SLC24A2: variants seen among roughly 807,000 people sequenced by gnomAD.
The protein encoded by SLC24A2 is solute carrier family 24 member 2, also known as sodium/potassium/calcium exchanger 2.
Under a neutral mutation model 62.0 loss-of-function variants are expected in SLC24A2, and 36 were observed. The observed-to-expected ratio is 0.58, with a 90% CI of 0.44 to 0.77. The LOEUF is 0.77. SLC24A2 is among the 30% of genes least tolerant of loss of function. The pLI is 0.00. For missense variants in SLC24A2, 846 were observed against 817.9 expected, an observed-to-expected ratio of 1.03 and a Z score of -0.42; for synonymous variants, 358 against 294.0, an observed-to-expected ratio of 1.22 and a Z score of -2.23.
the SLC24A2 span, among the ~76,000 whole-genome samples, chr9:19,840,111 TG>T: frequency 5.9e-5 from 9 of 152,156 alleles, no homozygotes; most frequent in Non-Finnish European, 1.5e-5. Context: ...AACAAAATCA[TG>T]GGAACTTAAA....
chr9:20,294,788 C>T, the SLC24A2 span, among the ~76,000 whole-genome samples: 6 of 152,208 alleles, frequency 3.9e-5, no homozygotes, highest in South Asian at 2.1e-4. Context: ...CACAAGTGCA[C>T]GTTGGTGACA....
At chr9:20,147,642 A>G in the SLC24A2 span, among the ~76,000 whole-genome samples, 3 of 152,252 alleles carry the variant, frequency 2.0e-5, no homozygotes, top group Middle Eastern at 3.4e-3. Context: ...TTCCACTTTC[A>G]GAAGATATGT....
At position 19,787,727 on chromosome 9, in the gene SLC24A2, A is replaced by AT. The variant is rs536863628; in HGVS notation, c.-153-709dup. 2.1e-3 allele frequency among the ~76,000 whole-genome samples: 317 copies of AT among 152,172 alleles called. 1 individual carries two copies. Among genetic ancestry groups the AT allele is most frequent in the African/African-American group, 6.7e-3 (277 of 41,494 alleles). ...ATCTAGACATTGTTTTCAGCTAAATATTTTTTTTAAAAAAACAACCTTTAG... is the reference window on the plus strand; with the variant it reads ...ATCTAGACATTGTTTTCAGCTAAATATTTTTTTTTAAAAAAACAACCTTTAG... On this transcript the variant is annotated intron_variant, in intron 1 of 10. Coordinates refer to ENST00000341998, the MANE Select transcript of SLC24A2 (RefSeq NM_020344.4).
intron 4 of SLC24A2, among the ~76,000 whole-genome samples, chr9:19,597,558 CA>C (rs1170357799): frequency 6.6e-6 from 1 of 152,148 alleles, no homozygotes; most frequent in Non-Finnish European, 1.5e-5. Flanking sequence ...GAGTATTTGG[CA>C]AAGATAACTT....
At chr9:20,194,189 G>C in the SLC24A2 span, among the ~76,000 whole-genome samples, 5 of 152,026 alleles carry the variant, frequency 3.3e-5, no homozygotes, top group Admixed American at 3.3e-4. Flanking sequence ...TGTCTTTTAA[G>C]CATGTCATGA....
rs534252431 is a variant in SLC24A2 at position 19,565,330 on chromosome 9, CAGAG to C, written c.1347+8017_1347+8020del. Among the ~76,000 whole-genome samples, 218 of 138,304 alleles carry C rather than the reference CAGAG, an allele frequency of 1.6e-3. 2 individuals carry two copies. Among genetic ancestry groups the C allele is most frequent in the African/African-American group, 5.7e-3 (206 of 36,432 alleles). 90.7% of individuals were successfully genotyped at this position (138,304 alleles called of 152,430 possible). On this transcript the variant is annotated intron_variant, in intron 7 of 10. Coordinates refer to ENST00000341998, the MANE Select transcript of SLC24A2 (RefSeq NM_020344.4). ...TTCTTATACACCAACAACAGACAAA[CAGAG>C]AGCCAAATCATGAGTGAACTCCCAT...
At chr9:19,686,844 G>C (rs1259403511) in intron 2 of SLC24A2, among the ~76,000 whole-genome samples, 1 of 152,094 alleles carries the variant, frequency 6.6e-6, no homozygotes, top group African/African-American at 2.4e-5. Context: ...TATGTTCATT[G>C]CAACACTATT....
the SLC24A2 span, among the ~76,000 whole-genome samples, chr9:20,169,610 G>A: frequency 6.6e-6 from 1 of 151,958 alleles, no homozygotes; most frequent in East Asian, 1.9e-4. Context: ...CTCCCAGGAA[G>A]CCACATCCCT....
rs578240001 is a variant in SLC24A2, at chr9:19,534,296, T to C, written c.1480-6158A>G. Among the ~76,000 whole-genome samples, 4 of 152,318 alleles carry C rather than the reference T, an allele frequency of 2.6e-5. No homozygotes were observed. In the East Asian group the frequency reaches 5.8e-4, roughly 22 times the overall value. ...CTCTGTGGTTATATGTGGCCATGCC[T>C]GGTTTCCTTTACTAGACTTAGAGTG... On this transcript the variant is annotated intron_variant, in intron 8 of 10. Transcript: ENST00000341998.
intron 8 of SLC24A2, among the ~76,000 whole-genome samples, chr9:19,529,772 A>G (rs770372460): frequency 7.8e-5 from 11 of 141,584 alleles, no homozygotes; most frequent in Non-Finnish European, 1.1e-4. Flanking sequence ...TTTTTTTAAG[A>G]TGGAGTCTCA....
chr9:19,659,953 T>G (rs1346809759), intron 2 of SLC24A2, among the ~76,000 whole-genome samples: 1 of 152,224 alleles, frequency 6.6e-6, no homozygotes, highest in Non-Finnish European at 1.5e-5. Flanking sequence ...ACCCTCATTT[T>G]TAAGGTGAAC....
intron 4 of SLC24A2, among the ~76,000 whole-genome samples, chr9:19,606,450 A>G (rs1232269403): frequency 1.3e-5 from 2 of 152,232 alleles, no homozygotes; most frequent in Non-Finnish European, 2.9e-5. Flanking sequence ...CTGCAACTGC[A>G]TATCTAAAGG....
At chr9:20,214,531 C>T in the SLC24A2 span, among the ~76,000 whole-genome samples, 18 of 151,934 alleles carry the variant, frequency 1.2e-4, no homozygotes, top group African/African-American at 3.9e-4. Flanking sequence ...AGGAGAATGG[C>T]GTGGACCCAG....
the SLC24A2 span, among the ~76,000 whole-genome samples, chr9:20,105,198 C>G: frequency 6.6e-6 from 1 of 152,156 alleles, no homozygotes; most frequent in Non-Finnish European, 1.5e-5. Flanking sequence ...ATTCATAAAG[C>G]AAGTCCTGAG....
chr9:19,706,357 A>G (rs1402847382), intron 2 of SLC24A2, among the ~76,000 whole-genome samples: 1 of 150,144 alleles, frequency 6.7e-6, no homozygotes, highest in Non-Finnish European at 1.5e-5. Context: ...TCCTGAACAC[A>G]GCACACTGAT....
chr9:20,261,733 C>CTTTTTTTTTTTTTT, the SLC24A2 span, among the ~76,000 whole-genome samples: 40 of 75,282 alleles, frequency 5.3e-4, 5 homozygotes, highest in African/African-American at 9.2e-4. Flanking sequence ...AACACCAAAT[C>CTTTTTTTTTTTTTT]TTTTTTTTTT....
chr9:20,286,186 T>C, the SLC24A2 span, among the ~76,000 whole-genome samples: 1 of 152,194 alleles, frequency 6.6e-6, no homozygotes, highest in Non-Finnish European at 1.5e-5. Flanking sequence ...GCGCATATCT[T>C]TGTATCAGTT....
At chr9:20,260,416 G>A in the SLC24A2 span, among the ~76,000 whole-genome samples, 9 of 152,054 alleles carry the variant, frequency 5.9e-5, no homozygotes, top group Non-Finnish European at 1.3e-4. Flanking sequence ...AATTAAGAAA[G>A]TTAATGGGAA....
At chr9:19,727,379 C>T (rs1230132941) in intron 2 of SLC24A2, among the ~76,000 whole-genome samples, 1 of 152,122 alleles carries the variant, frequency 6.6e-6, no homozygotes, top group Non-Finnish European at 1.5e-5. Context: ...GATCATTTTG[C>T]ATTAGAGTTT....
Sources: gnomAD v4.1 joint callset for allele counts (sites outside exome capture counted in the v4.1 genomes callset) on GRCh38, gnomAD v4.1.1 for gene constraint, MANE v1.5 for transcripts, NCBI Gene and HGNC (gene_info 2026-07-23, HGNC 2026-07-21) for gene names.